The following ZNF845 variants were observed in gnomAD, a reference collection of about 807,000 sequenced individuals.
ZNF845 encodes the protein zinc finger protein 845.
ZNF845 carries 59 observed loss-of-function variants against 76.1 expected under a neutral mutation model. That is an observed-to-expected ratio of 0.78 (90% CI 0.63 to 0.96). ZNF845 has a LOEUF of 0.96. ZNF845 is among the 40% of genes least tolerant of loss of function. The pLI is 0.00. For missense variants in ZNF845, 1,045 were observed against 1,172.8 expected, an observed-to-expected ratio of 0.89 and a Z score of 1.59; for synonymous variants, 361 against 386.9, an observed-to-expected ratio of 0.93 and a Z score of 0.78.
chr19:53,352,909 A>T lies in ZNF845; in HGVS notation c.2234A>T (p.Lys745Ile), dbSNP rs772065078. ...CATCTTAGACTTCATACTGGAGAGA[A>T]ACCTTACAAATGTGAAGAATGTGAC... ...TCHLRLHTGE[K>I]PYKCEECDKV... Residue 745 changes from lysine (K) to isoleucine (I), a missense_variant, in exon 4 of 4, where the codon AAA becomes ATA. Coordinates refer to ENST00000458035, the MANE Select transcript of ZNF845 (RefSeq NM_138374.3). 9.3e-6 allele frequency: 15 copies of T among 1,614,120 alleles called. No individual in the cohort carries two copies. In the East Asian group the frequency reaches 3.1e-4, roughly 34 times the overall value.
chr19:53,352,502 T>C lies in ZNF845; in HGVS notation c.1827T>C (p.Cys609=). 1 of 1,610,344 alleles carries C rather than the reference T, an allele frequency of 6.2e-7. No individual in the cohort carries two copies. Among genetic ancestry groups the C allele is most frequent in the Non-Finnish European group, 8.5e-7 (1 of 1,178,094 alleles). ...ATAATGAAGAGAGATCGTACAAGTG[T>C]AATAGATGTGGCAAATTTTTCAGAC... ...RIHNEERSYK[C]NRCGKFFRHR... Residue 609 remains cysteine (C), a synonymous_variant, in exon 4 of 4, where the codon TGT becomes TGC. Coordinates refer to ENST00000458035, the MANE Select transcript of ZNF845 (RefSeq NM_138374.3).
rs556181514 is a variant in ZNF845, at chr19:53,351,434, T to C, written c.759T>C (p.Asn253=). 1.9e-6 allele frequency: 3 copies of C among 1,614,196 alleles called. No individual in the cohort carries two copies. The highest frequency in any genetic ancestry group is 1.3e-5 in the African/African-American group (1 of 75,058). The change falls in exon 4 of 4, where the codon AAT becomes AAC. Residue 253 remains asparagine, a synonymous_variant. Transcript: ENST00000458035. ...GTGATGTGTGTGGCAAGGTCTTTAA[T>C]CAAAAGCGATATCTTGCATGTCATC... is the stretch of plus-strand genomic sequence containing the variant. ...YKCDVCGKVF[N]QKRYLACHRR...
rs1257815214 is a variant in ZNF845, at chr19:53,356,811, C to G, written c.*3223C>G. On this transcript the variant is annotated 3_prime_UTR_variant, in exon 4 of 4. Coordinates refer to ENST00000458035, the MANE Select transcript of ZNF845 (RefSeq NM_138374.3). ...GGGCGAGGTGGCAGGCACCTGTAGTCCCAGCTACTCGGGAGGTTGAGGCAG... is the reference window on the plus strand; with the variant it reads ...GGGCGAGGTGGCAGGCACCTGTAGTGCCAGCTACTCGGGAGGTTGAGGCAG... The G allele has an allele frequency of 6.6e-6, 1 of 150,984 alleles. No homozygotes were observed. Among genetic ancestry groups the G allele is most frequent in the African/African-American group, 2.4e-5 (1 of 40,992 alleles). The allele number at this position is 150,984 out of a possible 1,614,324, so 9.4% of individuals were successfully genotyped here. A position where few individuals can be genotyped will look rare whatever the true frequency, so the allele number is the denominator to read the frequency against.
At position 53,352,775 on chromosome 19, in the gene ZNF845, C is replaced by A; in HGVS notation, c.2100C>A (p.Phe700Leu). ...PYKCNECGKT[F>L]GRNSALIIHK... Reference sequence around the variant, plus strand: ...AGTGTAATGAGTGTGGCAAGACCTTCGGTCGAAATTCAGCCCTTATAATTC... The same window carrying A: ...AGTGTAATGAGTGTGGCAAGACCTTAGGTCGAAATTCAGCCCTTATAATTC... Residue 700 changes from phenylalanine to leucine, a missense_variant, in exon 4 of 4, where the codon TTC becomes TTA. Transcript: ENST00000458035. 1 of 1,613,948 alleles carries A rather than the reference C, an allele frequency of 6.2e-7. No homozygotes were observed. The highest frequency in any genetic ancestry group is 8.5e-7 in the Non-Finnish European group (1 of 1,179,980).
chr19:53,349,175 C>T lies in ZNF845; in HGVS notation c.143-1643C>T, dbSNP rs139536171. On this transcript the variant is annotated intron_variant, in intron 3 of 3. Coordinates refer to ENST00000458035, the MANE Select transcript of ZNF845 (RefSeq NM_138374.3). Reference sequence around the variant, plus strand: ...CCCAGCCGTTAGTCACTTCTTATTCCTTATAATGCTGTGTGTTTTTTTGAC... The same window carrying T: ...CCCAGCCGTTAGTCACTTCTTATTCTTTATAATGCTGTGTGTTTTTTTGAC... Among the ~76,000 whole-genome samples, 792 of 152,080 alleles carry T rather than the reference C, an allele frequency of 5.2e-3. 2 individuals are homozygous for T. The highest frequency in any genetic ancestry group is 9.0e-3 in the Admixed American group (137 of 15,270).
intron 2 of ZNF845, among the ~76,000 whole-genome samples, chr19:53,344,605 T>TGTTATGTTATGTTATG (rs1203425516): frequency 4.9e-5 from 2 of 41,026 alleles, no homozygotes; most frequent in African/African-American, 4.1e-4. Flanking sequence ...TTTTATTTTA[T>TGTTATGTTATGTTATG]TTATTTTATT....
intron 2 of ZNF845, among the ~76,000 whole-genome samples, chr19:53,344,872 C>T (rs1218863519): frequency 6.6e-6 from 1 of 152,006 alleles, no homozygotes; most frequent in African/African-American, 2.4e-5. Context: ...CTCCCGACTT[C>T]AGGTGATCTG....
chr19:53,347,547 C>T (rs2085305548), intron 3 of ZNF845, among the ~76,000 whole-genome samples: 2 of 152,076 alleles, frequency 1.3e-5, no homozygotes, highest in Non-Finnish European at 2.9e-5. Flanking sequence ...CCTGCCTCAG[C>T]CTCCCAAAGT....
chr19:53,337,878 T>C (rs2085226889), intron 1 of ZNF845, among the ~76,000 whole-genome samples: 1 of 152,114 alleles, frequency 6.6e-6, no homozygotes, highest in East Asian at 1.9e-4. Context: ...TTTTTGTATT[T>C]TTAGTAGAGA....
chr19:53,334,153 C>G (rs557278614), intron 1 of ZNF845, among the ~76,000 whole-genome samples: 114 of 152,350 alleles, frequency 7.5e-4, no homozygotes, highest in African/African-American at 2.4e-3. Context: ...CGTCGCCCCC[C>G]ACCTCCCTCC....
chr19:53,354,477 A>G lies in ZNF845; in HGVS notation c.*889A>G, dbSNP rs185550557. Reference sequence around the variant, plus strand: ...CTTGAGGTCAGGAGTTTGAGACCAGACTGGCCAACAGACATGAGTCACTTT... The same window carrying G: ...CTTGAGGTCAGGAGTTTGAGACCAGGCTGGCCAACAGACATGAGTCACTTT... On this transcript the variant is annotated 3_prime_UTR_variant, in exon 4 of 4. Transcript: ENST00000458035. 1 of 171,616 alleles carries G rather than the reference A, an allele frequency of 5.8e-6. No homozygotes were observed. Among genetic ancestry groups the G allele is most frequent in the Non-Finnish European group, 1.3e-5 (1 of 79,568 alleles). 10.6% of individuals were successfully genotyped at this position (171,616 alleles called of 1,614,324 possible).
At position 53,353,955 on chromosome 19, in the gene ZNF845, G is replaced by T; in HGVS notation, c.*367G>T. The T allele has an allele frequency of 1.7e-6, 1 of 581,486 alleles. No homozygotes were observed. The allele number at this position is 581,486 out of a possible 1,614,324, so 36.0% of individuals were successfully genotyped here. ...AAATGTGGCAAATTTTTCAGACATT[G>T]TTCATACCTTGCAGTTCATCGGTGA... On this transcript the variant is annotated 3_prime_UTR_variant, in exon 4 of 4. Coordinates refer to ENST00000458035, the MANE Select transcript of ZNF845 (RefSeq NM_138374.3).
intron 2 of ZNF845, among the ~76,000 whole-genome samples, chr19:53,342,539 T>C (rs2085263836): frequency 6.6e-6 from 1 of 152,196 alleles, no homozygotes; most frequent in Admixed American, 6.6e-5. Context: ...CTCTTTTCCC[T>C]GTCACGTCCT....
chr19:53,336,551 A>G (rs530439237), intron 1 of ZNF845, among the ~76,000 whole-genome samples: 1 of 151,974 alleles, frequency 6.6e-6, no homozygotes, highest in South Asian at 2.1e-4. Flanking sequence ...AGCAAAAGGC[A>G]CATCAAAAGT....
At chr19:53,343,970 C>T (rs1236840619) in intron 2 of ZNF845, among the ~76,000 whole-genome samples, 1 of 151,984 alleles carries the variant, frequency 6.6e-6, no homozygotes, top group Non-Finnish European at 1.5e-5. Context: ...CAGGTGCCTG[C>T]CACCATGCCC....
At chr19:53,338,876 C>T (rs969757222) in intron 1 of ZNF845, among the ~76,000 whole-genome samples, 12 of 148,726 alleles carry the variant, frequency 8.1e-5, no homozygotes, top group Admixed American at 2.7e-4. Context: ...GTCAGGAGTT[C>T]GAGACCAGCC....
intron 2 of ZNF845, among the ~76,000 whole-genome samples, chr19:53,341,540 G>T (rs1292651623): frequency 6.7e-6 from 1 of 149,494 alleles, no homozygotes; most frequent in African/African-American, 2.5e-5. Context: ...ATGGTCCTGG[G>T]AAGGGCTCAC....
In ZNF845 at chr19:53,354,205, G is replaced by T; in HGVS notation, c.*617G>T. ...CAGTGTGGCAAGGTCTTCAGTCTGA[G>T]ATCACCCCTTAAGGAACATCAGAAA... On this transcript the variant is annotated 3_prime_UTR_variant, in exon 4 of 4. Coordinates refer to ENST00000458035, the MANE Select transcript of ZNF845 (RefSeq NM_138374.3). 1 of 578,322 alleles carries T rather than the reference G, an allele frequency of 1.7e-6. No individual in the cohort carries two copies. Among genetic ancestry groups the T allele is most frequent in the South Asian group, 1.4e-5 (1 of 70,614 alleles). 35.8% of individuals were successfully genotyped at this position (578,322 alleles called of 1,614,324 possible).
At chr19:53,346,597 C>G (rs2085298600) in intron 3 of ZNF845, among the ~76,000 whole-genome samples, 1 of 152,190 alleles carries the variant, frequency 6.6e-6, no homozygotes, top group Non-Finnish European at 1.5e-5. Flanking sequence ...AGGAGAGTTG[C>G]TTGAACCCGG....
Sources: allele counts gnomAD v4.1 joint callset (sites outside exome capture counted in the v4.1 genomes callset), GRCh38; gene constraint gnomAD v4.1.1; transcripts MANE v1.5; gene names NCBI Gene and HGNC (gene_info 2026-07-23, HGNC 2026-07-21).